Variants in ATP2B2 observed in about 807,000 individuals in gnomAD.
ATP2B2 encodes the protein plasma membrane calcium-transporting ATPase 2.
Under a neutral mutation model 120.0 loss-of-function variants are expected in ATP2B2, and 15 were observed. The ratio of observed to expected loss-of-function variants is 0.12; its 90% CI spans 0.08 to 0.19. ATP2B2 has a LOEUF of 0.19. Ranked by LOEUF, ATP2B2 falls within the 10% of genes least tolerant of loss-of-function variation. The probability of loss-of-function intolerance (pLI) is 1.00; values close to 1 mark genes in which losing one functional copy is unlikely to be tolerated. For synonymous variants in ATP2B2, 694 were observed against 700.3 expected (o/e 0.99, Z 0.14); for missense variants, 1,045 against 1,719.8 (o/e 0.61, Z 6.94).
intron 2 of ATP2B2, among the ~76,000 whole-genome samples, chr3:10,609,940 T>A (rs909069030): frequency 1.4e-4 from 21 of 151,978 alleles, no homozygotes; most frequent in African/African-American, 4.6e-4. Flanking sequence ...CACCTCACCA[T>A]CTCCATTTCC....
chr3:10,487,227 C>G (rs902877735), intron 1 of ATP2B2, among the ~76,000 whole-genome samples: 2 of 152,116 alleles, frequency 1.3e-5, no homozygotes, highest in Non-Finnish European at 2.9e-5. Context: ...CCTCTCCCCA[C>G]AAGCATGTGT....
At chr3:10,338,153 C>T in intron 22 of ATP2B2, 23 bp downstream of exon 22, 2 of 1,613,548 alleles carry the variant, frequency 1.2e-6, no homozygotes, top group South Asian at 2.2e-5. Context: ...GGCCTGGGCC[C>T]AGCCCCCAAG....
chr3:10,687,851 A>T (rs1478609214), intron 1 of ATP2B2, among the ~76,000 whole-genome samples: 1 of 152,028 alleles, frequency 6.6e-6, no homozygotes. Flanking sequence ...ACAGAGTGAG[A>T]CTCTGACTCA....
intron 2 of ATP2B2, among the ~76,000 whole-genome samples, chr3:10,547,395 T>C (rs1364812170): frequency 1.3e-5 from 2 of 152,148 alleles, no homozygotes; most frequent in Non-Finnish European, 2.9e-5. Context: ...GTCTTCACAT[T>C]CCTGGCCCTT....
At chr3:10,535,423 C>G (rs1469480317) in intron 2 of ATP2B2, among the ~76,000 whole-genome samples, 1 of 144,296 alleles carries the variant, frequency 6.9e-6, no homozygotes, top group Non-Finnish European at 1.5e-5. Flanking sequence ...GTGTGTAGCT[C>G]TATGAAATGT....
intron 1 of ATP2B2, among the ~76,000 whole-genome samples, chr3:10,627,025 G>A (rs576332598): frequency 6.6e-6 from 1 of 152,306 alleles, no homozygotes; most frequent in African/African-American, 2.4e-5. Flanking sequence ...AGACTCGGAT[G>A]AGTTGTCTCC....
intron 1 of ATP2B2, among the ~76,000 whole-genome samples, chr3:10,493,499 G>A (rs1420249069): frequency 6.6e-6 from 1 of 152,206 alleles, no homozygotes; most frequent in Non-Finnish European, 1.5e-5. Context: ...AGGGCTTACA[G>A]GCTGCAGAAA....
At chr3:10,636,763 A>T (rs560079528) in intron 1 of ATP2B2, among the ~76,000 whole-genome samples, 13 of 152,250 alleles carry the variant, frequency 8.5e-5, no homozygotes, top group African/African-American at 3.1e-4. Context: ...ACCCAGGTGG[A>T]GCCCGGTGGA....
chr3:10,585,261 C>T (rs557423242), intron 2 of ATP2B2, among the ~76,000 whole-genome samples: 1 of 151,970 alleles, frequency 6.6e-6, no homozygotes, highest in South Asian at 2.1e-4. Flanking sequence ...TTTGGGAGGC[C>T]GAGGCTGGAG....
chr3:10,491,286 C>T (rs1575397137), intron 1 of ATP2B2, among the ~76,000 whole-genome samples: 2 of 148,694 alleles, frequency 1.3e-5, no homozygotes, highest in South Asian at 4.2e-4. Context: ...AGTGTAGTGG[C>T]ACCATCTTGG....
At chr3:10,408,544 C>T (rs556706214) in intron 3 of ATP2B2, among the ~76,000 whole-genome samples, 70 of 152,264 alleles carry the variant, frequency 4.6e-4, no homozygotes, top group African/African-American at 1.7e-3. Flanking sequence ...CTGCCTTGGA[C>T]CAGGGGCGGC....
At chr3:10,351,047 T>A (rs1574982020) in intron 14 of ATP2B2, among the ~76,000 whole-genome samples, 1 of 152,220 alleles carries the variant, frequency 6.6e-6, no homozygotes. Flanking sequence ...GACATTTGCA[T>A]TTGGGGGCAT....
intron 1 of ATP2B2, among the ~76,000 whole-genome samples, chr3:10,664,518 G>C (rs1445799932): frequency 6.6e-6 from 1 of 152,188 alleles, no homozygotes; most frequent in East Asian, 1.9e-4. Context: ...ACCTCTGGAA[G>C]GCTCCTTGGT....
chr3:10,398,152 AT>A (rs758783414), intron 5 of ATP2B2, among the ~76,000 whole-genome samples: 5 of 152,026 alleles, frequency 3.3e-5, no homozygotes, highest in Non-Finnish European at 5.9e-5. Flanking sequence ...TGAGAGACTG[AT>A]GGGAACACTT....
chr3:10,473,588 A>AC (rs2065094847), intron 1 of ATP2B2, among the ~76,000 whole-genome samples: 1 of 152,220 alleles, frequency 6.6e-6, no homozygotes, highest in African/African-American at 2.4e-5. Flanking sequence ...CCAAGATTGC[A>AC]CCACTGCACT....
At chr3:10,600,732 G>A (rs528468547) in intron 2 of ATP2B2, among the ~76,000 whole-genome samples, 2 of 152,320 alleles carry the variant, frequency 1.3e-5, no homozygotes, top group South Asian at 4.1e-4. Flanking sequence ...CCAGTTGAGA[G>A]CCTGCCTGCA....
chr3:10,417,808 T>C (rs757353323), intron 2 of ATP2B2, among the ~76,000 whole-genome samples: 2 of 152,008 alleles, frequency 1.3e-5, no homozygotes, highest in African/African-American at 4.8e-5. Flanking sequence ...TGAAGGGATA[T>C]GGGTGGGGAG....
At chr3:10,414,344 C>T (rs1267213860) in intron 2 of ATP2B2, among the ~76,000 whole-genome samples, 1 of 152,156 alleles carries the variant, frequency 6.6e-6, no homozygotes, top group Non-Finnish European at 1.5e-5. Flanking sequence ...TGCTGGGAAT[C>T]CACAGGCCAG....
intron 14 of ATP2B2, among the ~76,000 whole-genome samples, chr3:10,352,404 C>T (rs1043522646): frequency 1.3e-5 from 2 of 152,226 alleles, no homozygotes; most frequent in African/African-American, 2.4e-5. Context: ...CAGTTCTGAG[C>T]GTGGCTGTCT....
Sources: gnomAD v4.1 joint callset for allele counts (sites outside exome capture counted in the v4.1 genomes callset) on GRCh38, gnomAD v4.1.1 for gene constraint, MANE v1.5 for transcripts, NCBI Gene and HGNC (gene_info 2026-07-23, HGNC 2026-07-21) for gene names.